CAPS2: variants seen among roughly 807,000 people sequenced by gnomAD.
CAPS2 encodes the protein calcyphosine 2, also known as calcyphosin-2.
A neutral mutation model predicts 86.5 loss-of-function variants in CAPS2; 98 were observed. The observed-to-expected ratio is 1.13, with a 90% confidence interval of 0.96 to 1.34. The LOEUF (loss-of-function observed/expected upper bound fraction) is 1.34, where lower values mean the gene tolerates loss of function less well. Ranked by LOEUF, CAPS2 falls within the 40% of genes most tolerant of loss-of-function variation. CAPS2 has a pLI of 0.00. For missense variants in CAPS2, 729 were observed against 686.8 expected (o/e 1.06, Z -0.69); for synonymous variants, 210 against 225.1 (o/e 0.93, Z 0.60).
rs374482327 is a variant in CAPS2, at chr12:75,339,246, C to T, written c.-394-16024G>A. On this transcript the variant is annotated intron_variant, in intron 1 of 5. Transcript: ENST00000551829. ...AATGTAAAAATGTTCCTTTTTTTCC[C>T]GCAACACTGCCAGCACCTGTTTCTG... Among the ~76,000 whole-genome samples the T allele has an allele frequency of 3.2e-4, 49 of 152,128 alleles. 3 individuals are homozygous for T. The South Asian group carries it at 7.5e-3, about 23-fold the overall frequency.
At chr12:75,276,482 T>C, downstream of CAPS2, 1 of 977,592 alleles carries the variant, frequency 1.0e-6, no homozygotes, top group Non-Finnish European at 1.2e-6. Context: ...ACTGCCTCTA[T>C]GCAGAGTCGC....
chr12:75,297,678 G>A (rs2037133979), intron 11 of CAPS2, among the ~76,000 whole-genome samples: 2 of 152,020 alleles, frequency 1.3e-5, no homozygotes, highest in Admixed American at 6.6e-5. Context: ...TCTTTAACAT[G>A]GGCTGCTTTT....
chr12:75,315,229 T>A (rs2039634618), intron 6 of CAPS2, among the ~76,000 whole-genome samples: 1 of 152,168 alleles, frequency 6.6e-6, no homozygotes, highest in South Asian at 2.1e-4. Context: ...TTGAATTACA[T>A]CAAGAACAAT....
At chr12:75,385,420 T>C (rs1317441873) in intron 1 of CAPS2, among the ~76,000 whole-genome samples, 1 of 152,038 alleles carries the variant, frequency 6.6e-6, no homozygotes, top group Non-Finnish European at 1.5e-5. Context: ...ATAAAAATTC[T>C]CAATAAACTA....
In CAPS2 at chr12:75,325,296, T is replaced by TAA. The variant is rs770242892; in HGVS notation, c.82-10_82-9dup. 1.4e-5 allele frequency: 20 copies of TAA among 1,397,262 alleles called. No individual in the cohort carries two copies. Among genetic ancestry groups the TAA allele is most frequent in the East Asian group, 2.8e-5 (1 of 35,742 alleles). 86.6% of individuals were successfully genotyped at this position (1,397,262 alleles called of 1,614,324 possible). ...CTCAGAAGTCCACCTTTGCTTTAAT[T>TAA]AAAAAAAAAACTTTTTGAATCAGTA... On this transcript the variant is annotated splice_polypyrimidine_tract_variant and intron_variant, in intron 1 of 16. Transcript: ENST00000393284.
chr12:75,321,094 CA>C (rs1461884224), intron 5 of CAPS2, among the ~76,000 whole-genome samples: 1 of 152,000 alleles, frequency 6.6e-6, no homozygotes, highest in Non-Finnish European at 1.5e-5. Flanking sequence ...CAACAAAATA[CA>C]TAATACTGTC....
At chr12:75,283,240 T>C (rs1008051395) in intron 15 of CAPS2, among the ~76,000 whole-genome samples, 3 of 152,184 alleles carry the variant, frequency 2.0e-5, no homozygotes, top group Non-Finnish European at 4.4e-5. Context: ...GGAAGAGTAT[T>C]CACTACTTAG....
chr12:75,369,909 G>C, intron 1 of CAPS2: 2 of 1,280,468 alleles, frequency 1.6e-6, no homozygotes, highest in South Asian at 3.4e-5. Context: ...AAAGAAATAT[G>C]TTTTCTTGTT....
At chr12:75,321,081 C>T (rs776738372) in intron 5 of CAPS2, among the ~76,000 whole-genome samples, 6 of 151,918 alleles carry the variant, frequency 3.9e-5, no homozygotes, top group Non-Finnish European at 8.8e-5. Context: ...AAGACAGCTA[C>T]GTCAACAAAA....
intron 15 of CAPS2, among the ~76,000 whole-genome samples, chr12:75,283,468 T>C (rs1318374858): frequency 1.3e-5 from 2 of 152,124 alleles, no homozygotes; most frequent in Admixed American, 6.5e-5. Flanking sequence ...TAAGTTAAAA[T>C]GAAATCATTA....
intron 8 of CAPS2, 129 bp from the exon 9 acceptor site, chr12:75,300,040 A>C: frequency 2.3e-6 from 1 of 441,898 alleles, no homozygotes; most frequent in Admixed American, 4.3e-5. Flanking sequence ...AAGGTAAAAA[A>C]AAACTCTTTT....
At chr12:75,307,902 G>A (rs965896271) in intron 7 of CAPS2, among the ~76,000 whole-genome samples, 2 of 152,080 alleles carry the variant, frequency 1.3e-5, no homozygotes, top group East Asian at 1.9e-4. Flanking sequence ...AGGGTCTGGA[G>A]GCAGGAAACC....
chr12:75,328,847 G>T (rs1185603083), upstream of CAPS2, among the ~76,000 whole-genome samples: 1 of 152,170 alleles, frequency 6.6e-6, no homozygotes, highest in East Asian at 1.9e-4. Context: ...AGTCAATTCG[G>T]AATGACAAAA....
At chr12:75,277,210 CT>C (rs11349252) in exon 17 of CAPS2, 458,415 of 838,776 alleles carry the variant, frequency 0.55, 54,843 homozygotes, top group African/African-American at 0.82. Context: ...AGTAGCTTCC[CT>C]TTTTTTTTTT....
At chr12:75,321,055 C>T (rs967730934) in intron 5 of CAPS2, among the ~76,000 whole-genome samples, 1 of 151,966 alleles carries the variant, frequency 6.6e-6, no homozygotes, top group South Asian at 2.1e-4. Context: ...TTTAGACTGT[C>T]AGACCAACTG....
chr12:75,376,755 A>G (rs1593912069), intron 1 of CAPS2, among the ~76,000 whole-genome samples: 1 of 152,140 alleles, frequency 6.6e-6, no homozygotes. Flanking sequence ...AACAATAGAT[A>G]CCTGGTGAGG....
chr12:75,336,174 A>G (rs1023048929), intron 1 of CAPS2, among the ~76,000 whole-genome samples: 16 of 152,096 alleles, frequency 1.1e-4, no homozygotes, highest in African/African-American at 3.4e-4. Context: ...TTAAGAATGC[A>G]TATTTTAATA....
intron 1 of CAPS2, 200 bp from the exon 3 acceptor site, chr12:75,325,488 C>T (rs1170732010): frequency 6.1e-6 from 1 of 163,816 alleles, no homozygotes; most frequent in East Asian, 1.9e-4. Flanking sequence ...TAATCCCTAA[C>T]CACATAGCAC....
intron 1 of CAPS2, among the ~76,000 whole-genome samples, chr12:75,341,747 CTTTTTTT>C (rs1185408752): frequency 2.5e-4 from 21 of 83,404 alleles, no homozygotes; most frequent in Middle Eastern, 0.011. Flanking sequence ...CGCCCGGCCT[CTTTTTTT>C]TTTTTTTTTT....
Sources: gnomAD v4.1 joint callset for allele counts (sites outside exome capture counted in the v4.1 genomes callset) on GRCh38, gnomAD v4.1.1 for gene constraint, MANE v1.5 for transcripts, NCBI Gene and HGNC (gene_info 2026-07-23, HGNC 2026-07-21) for gene names.